The following CSNK1E variants were observed in gnomAD, a reference collection of about 807,000 sequenced individuals.
The protein encoded by CSNK1E is casein kinase 1 epsilon.
A neutral mutation model predicts 46.1 loss-of-function variants in CSNK1E; 17 were observed. The ratio of observed to expected loss-of-function variants is 0.37; its 90% confidence interval spans 0.25 to 0.55. The LOEUF is 0.55. Among genes scored for constraint, CSNK1E ranks in the 20% least tolerant of loss-of-function variants. The pLI, the probability that CSNK1E is intolerant of heterozygous loss-of-function variation, is 0.82. For synonymous variants in CSNK1E, 241 were observed against 242.6 expected, an observed-to-expected ratio of 0.99 and a Z score of 0.06; for missense variants, 386 against 595.4, an observed-to-expected ratio of 0.65 and a Z score of 3.66.
intron 7 of CSNK1E, chr22:38,296,822 TGGAGG>T: frequency 4.8e-6 from 5 of 1,037,838 alleles, no homozygotes; most frequent in Non-Finnish European, 7.0e-6. Flanking sequence ...TGGTGGCCAC[TGGAGG>T]GCAGTGGCAT....
At chr22:38,307,951 A>G (rs764280473) in intron 2 of CSNK1E, among the ~76,000 whole-genome samples, 19 of 152,060 alleles carry the variant, frequency 1.2e-4, no homozygotes, top group African/African-American at 2.2e-4. Context: ...CAGCCTCCCA[A>G]TGTGCAGGAA....
chr22:38,303,274 C>G lies in CSNK1E; in HGVS notation c.77-26G>C, dbSNP rs778631648. On this transcript the variant is annotated intron_variant, in intron 2 of 10. Transcript: ENST00000396832. This position sits in a 1 kb window ranked among gnomAD's most constrained non-coding sequence, Gnocchi z 4.7. ...CTGCCCGGGGCAGGGAGGCAAGGGACCAGGGTCACCCTCAAAGGCCAGGCA... is the reference window on the plus strand; with the variant it reads ...CTGCCCGGGGCAGGGAGGCAAGGGAGCAGGGTCACCCTCAAAGGCCAGGCA... The G allele has an allele frequency of 4.5e-6, 7 of 1,564,704 alleles. No homozygotes were observed. The East Asian group carries it at 1.6e-4, about 36-fold the overall frequency.
rs115297880 is a variant in CSNK1E, at chr22:38,299,847, A to G, written c.736+48T>C. 781 of 1,595,610 alleles carry G rather than the reference A, an allele frequency of 4.9e-4. 3 individuals carry two copies. In the African/African-American group the frequency reaches 9.3e-3, roughly 19 times the overall value. On this transcript the variant is annotated intron_variant, in intron 6 of 10. Coordinates refer to ENST00000396832, the MANE Select transcript of CSNK1E (RefSeq NM_152221.3). ...GTATGGCCTCACCTTTCCCTTAGACAGTGCCTCAGGGGCCCCCAGGCATGT... is the reference window on the plus strand; with the variant it reads ...GTATGGCCTCACCTTTCCCTTAGACGGTGCCTCAGGGGCCCCCAGGCATGT...
chr22:38,308,568 T>C (rs1232828372), intron 2 of CSNK1E, among the ~76,000 whole-genome samples: 1 of 152,182 alleles, frequency 6.6e-6, no homozygotes, highest in Non-Finnish European at 1.5e-5. Flanking sequence ...GATGACACTA[T>C]CTGGCTCATT....
chr22:38,308,175 CTTCT>C (rs2092706441), intron 2 of CSNK1E, among the ~76,000 whole-genome samples: 1 of 152,286 alleles, frequency 6.6e-6, no homozygotes, highest in South Asian at 2.1e-4. Flanking sequence ...TTGTGACTGG[CTTCT>C]TTCACTTAAC....
At chr22:38,315,704 C>T (rs563694427) in intron 1 of CSNK1E, among the ~76,000 whole-genome samples, 1 of 151,872 alleles carries the variant, frequency 6.6e-6, no homozygotes, top group East Asian at 1.9e-4. Context: ...ATTCAGAGAC[C>T]ACACATGGCA....
At position 38,294,058 on chromosome 22, in the gene CSNK1E, G is replaced by T; in HGVS notation, c.1218+51C>A. 1 of 1,581,184 alleles carries T rather than the reference G, an allele frequency of 6.3e-7. No homozygotes were observed. Among genetic ancestry groups the T allele is most frequent in the Non-Finnish European group, 8.6e-7 (1 of 1,165,526 alleles). On this transcript the variant is annotated intron_variant, in intron 9 of 10. Transcript: ENST00000396832. This position sits in a 1 kb window ranked among gnomAD's most constrained non-coding sequence, Gnocchi z 5.5. ...CCACGGCCTGACCTCCCACTGGGGG[G>T]TCTCTAACTCAGTTCTGAGGCCCAG... is the stretch of plus-strand genomic sequence containing the variant.
In CSNK1E at chr22:38,297,760, G is replaced by T. The variant is rs890076862; in HGVS notation, c.885+1026C>A. 5 of 998,254 alleles carry T rather than the reference G, an allele frequency of 5.0e-6. 1 individual carries two copies. The highest frequency in any genetic ancestry group is 6.0e-6 in the Non-Finnish European group (5 of 837,226). The allele number at this position is 998,254 out of a possible 1,614,324, so 61.8% of individuals were successfully genotyped here. Reference sequence around the variant, plus strand: ...TGTCCTGGCCCTCAAGGACCCCATGGCAGGGCCTTTTCCACCATGGCCTCC... The same window carrying T: ...TGTCCTGGCCCTCAAGGACCCCATGTCAGGGCCTTTTCCACCATGGCCTCC... On this transcript the variant is annotated intron_variant, in intron 7 of 10. Transcript: ENST00000396832.
rs1231433453 is a variant in CSNK1E at position 38,299,981 on chromosome 22, T to A, written c.650A>T (p.Lys217Ile). The change falls in exon 6 of 11, where the codon AAA becomes ATA. Residue 217 changes from lysine (K) to isoleucine (I), a missense_variant. By Grantham distance (102) the Lys-to-Ile change is moderately radical. This residue lies in a region of CSNK1E where 212 missense variants were observed against 410.2 expected (regional missense o/e 0.52). Coordinates refer to ENST00000396832, the MANE Select transcript of CSNK1E (RefSeq NM_152221.3). Reference sequence around the variant, plus strand: ...ATACTTCTGGCGCTTGGTGGCTGCTTTGAGCCCCTGCCAGGGCAGGGAGCC... The same window carrying A: ...ATACTTCTGGCGCTTGGTGGCTGCTATGAGCCCCTGCCAGGGCAGGGAGCC... Reference protein sequence around the residue: ...NLGSLPWQGLKAATKRQKYER... With the variant: ...NLGSLPWQGLIAATKRQKYER... 6.2e-7 allele frequency: 1 copy of A among 1,614,188 alleles called. No individual in the cohort carries two copies. The highest frequency in any genetic ancestry group is 2.2e-5 in the East Asian group (1 of 44,880).
chr22:38,295,751 G>A (rs2092637041), intron 7 of CSNK1E, among the ~76,000 whole-genome samples: 1 of 152,126 alleles, frequency 6.6e-6, no homozygotes, highest in South Asian at 2.1e-4. Context: ...TCACTGTTCA[G>A]AGTCTTGCCT....
chr22:38,299,300 G>A (rs1194307434), intron 6 of CSNK1E, among the ~76,000 whole-genome samples: 1 of 152,200 alleles, frequency 6.6e-6, no homozygotes, highest in Non-Finnish European at 1.5e-5. Context: ...AGAGCCTGAC[G>A]GGACCTTCTA....
Position 38,298,768 on chromosome 22 carries a change from G to A in CSNK1E, c.885+18C>T. The A allele has an allele frequency of 6.2e-7, 1 of 1,613,762 alleles. No individual in the cohort carries two copies. Among genetic ancestry groups the A allele is most frequent in the African/African-American group, 1.3e-5 (1 of 75,054 alleles). ...CCATCCAGTCCCCCAAGCCCGCCTT[G>A]GCCTCCAGGTGACTCACGAATTTCA... On this transcript the variant is annotated intron_variant, in intron 7 of 10. Coordinates refer to ENST00000396832, the MANE Select transcript of CSNK1E (RefSeq NM_152221.3). The surrounding 1 kb of genome is among the most constrained non-coding windows in gnomAD (Gnocchi z 4.2).
chr22:38,315,153 G>A (rs1183637913), intron 1 of CSNK1E, among the ~76,000 whole-genome samples: 7 of 152,220 alleles, frequency 4.6e-5, no homozygotes, highest in Admixed American at 4.6e-4. Flanking sequence ...CAGCCTCGCC[G>A]AGGACAGGGC....
At position 38,300,585 on chromosome 22, in the gene CSNK1E, G is replaced by T; in HGVS notation, c.565+139C>A. The T allele has an allele frequency of 1.3e-6, 1 of 786,874 alleles. No homozygotes were observed. Among genetic ancestry groups the T allele is most frequent in the Non-Finnish European group, 2.0e-6 (1 of 491,068 alleles). The allele number at this position is 786,874 out of a possible 1,614,324, so 48.7% of individuals were successfully genotyped here. A position where few individuals can be genotyped will look rare whatever the true frequency, so the allele number is the denominator to read the frequency against. On this transcript the variant is annotated intron_variant, in intron 5 of 10. Coordinates refer to ENST00000396832, the MANE Select transcript of CSNK1E (RefSeq NM_152221.3). This position sits in a 1 kb window ranked among gnomAD's most constrained non-coding sequence, Gnocchi z 4.4. ...AAGGACACGGAATAAGCACGAGCTT[G>T]GGGGCAGACGGGGTGGGGACTTTCT...
At chr22:38,296,753 C>G in intron 7 of CSNK1E, 1 of 1,554,132 alleles carries the variant, frequency 6.4e-7, no homozygotes, top group East Asian at 2.2e-5. Context: ...GAACCTAGAG[C>G]AGTGATGTCC....
Position 38,291,363 on chromosome 22 carries a change from C to CACACAT in CSNK1E, c.*607_*608insATGTGT, listed in dbSNP as rs3041793. On this transcript the variant is annotated 3_prime_UTR_variant, in exon 11 of 11. Transcript: ENST00000396832. ...CCACACACACACACACACACACACA[C>CACACAT]GCAGGGGACGCCGGCCCCCACCACC... is the stretch of plus-strand genomic sequence containing the variant. 6.6e-6 allele frequency: 1 copy of CACACAT among 152,202 alleles called. No individual in the cohort carries two copies. Among genetic ancestry groups the CACACAT allele is most frequent in the East Asian group, 1.9e-4 (1 of 5,190 alleles). 9.4% of individuals were successfully genotyped at this position (152,202 alleles called of 1,614,324 possible). A position where few individuals can be genotyped will look rare whatever the true frequency, so the allele number is the denominator to read the frequency against.
chr22:38,298,561 G>C lies in CSNK1E; in HGVS notation c.885+225C>G. 1.8e-6 allele frequency: 1 copy of C among 552,828 alleles called. No homozygotes were observed. Among genetic ancestry groups the C allele is most frequent in the South Asian group, 2.0e-5 (1 of 50,358 alleles). 34.2% of individuals were successfully genotyped at this position (552,828 alleles called of 1,614,324 possible). A position where few individuals can be genotyped will look rare whatever the true frequency, so the allele number is the denominator to read the frequency against. On this transcript the variant is annotated intron_variant, in intron 7 of 10. Coordinates refer to ENST00000396832, the MANE Select transcript of CSNK1E (RefSeq NM_152221.3). The surrounding 1 kb of genome is among the most constrained non-coding windows in gnomAD (Gnocchi z 4.2). The stretch of plus-strand genomic sequence containing the variant: ...GGTGAAGCCAGATCCTCCTTGTTCC[G>C]ACGGGAGACAGCGCCCTGCCTGGGC...
chr22:38,295,736 AG>A (rs1229769419), intron 7 of CSNK1E, among the ~76,000 whole-genome samples: 1 of 152,216 alleles, frequency 6.6e-6, no homozygotes, highest in Non-Finnish European at 1.5e-5. Context: ...CTGCACCCCA[AG>A]AGGTCACTGT....
At chr22:38,293,866 G>T in intron 9 of CSNK1E, 1 of 549,568 alleles carries the variant, frequency 1.8e-6, no homozygotes, top group South Asian at 2.7e-5. Context: ...GAGGACTGGA[G>T]CCCAGCTGTG....
Sources: allele counts gnomAD v4.1 joint callset (sites outside exome capture counted in the v4.1 genomes callset), GRCh38; gene constraint gnomAD v4.1.1; regional missense constraint gnomAD v4.1.1; non-coding constraint Gnocchi (gnomAD v3.1); transcripts MANE v1.5; gene names NCBI Gene and HGNC (gene_info 2026-07-23, HGNC 2026-07-21).